Variants in CDH4 observed in about 807,000 individuals in gnomAD.
CDH4 encodes cadherin 4.
Under a neutral mutation model 86.0 loss-of-function variants are expected in CDH4, and 33 were observed. That is an observed-to-expected ratio of 0.38 (90% confidence interval 0.29 to 0.51). The LOEUF (loss-of-function observed/expected upper bound fraction) is 0.51, where lower values mean the gene tolerates loss of function less well. Among genes scored for constraint, CDH4 ranks in the 20% least tolerant of loss-of-function variants. The pLI is 0.86. For missense variants in CDH4, 1,114 were observed against 1,307.4 expected (o/e 0.85, Z 2.28); for synonymous variants, 555 against 549.4 (o/e 1.01, Z -0.14).
chr20:61,930,384 G>C (rs2055092039), intron 13 of CDH4, among the ~76,000 whole-genome samples: 1 of 152,056 alleles, frequency 6.6e-6, no homozygotes, highest in South Asian at 2.1e-4. Flanking sequence ...CAACAGGTCT[G>C]AGGGCTGGCG....
chr20:61,660,446 C>T (rs1249133363), intron 2 of CDH4, among the ~76,000 whole-genome samples: 2 of 152,208 alleles, frequency 1.3e-5, no homozygotes, highest in Admixed American at 6.5e-5. Context: ...AGGCAGGTGA[C>T]GCCGGGACTC....
intron 2 of CDH4, among the ~76,000 whole-genome samples, chr20:61,447,661 A>C (rs1442092665): frequency 1.6e-5 from 2 of 128,560 alleles, no homozygotes; most frequent in African/African-American, 3.0e-5. Flanking sequence ...GAGATGGTGC[A>C]TGGAAAATTT....
chr20:61,932,395 C>G (rs1032806952), intron 13 of CDH4, among the ~76,000 whole-genome samples: 1 of 152,246 alleles, frequency 6.6e-6, no homozygotes, highest in South Asian at 2.1e-4. Context: ...GCCTTGGAAA[C>G]TCATGCACAC....
At chr20:61,812,859 C>T (rs1980508899) in intron 4 of CDH4, among the ~76,000 whole-genome samples, 1 of 152,212 alleles carries the variant, frequency 6.6e-6, no homozygotes, top group Non-Finnish European at 1.5e-5. Flanking sequence ...AAGCTTCTTC[C>T]TGCAGGCCAC....
At chr20:61,583,372 G>A (rs1053684453) in intron 2 of CDH4, among the ~76,000 whole-genome samples, 32 of 152,216 alleles carry the variant, frequency 2.1e-4, no homozygotes, top group Middle Eastern at 3.4e-3. Context: ...TGGCCCCATG[G>A]TCATGTCTGG....
At chr20:61,297,221 A>G (rs933700232) in intron 2 of CDH4, among the ~76,000 whole-genome samples, 1 of 152,132 alleles carries the variant, frequency 6.6e-6, no homozygotes, top group Non-Finnish European at 1.5e-5. Flanking sequence ...CCCCGTCTCT[A>G]CTAAAAATAC....
At chr20:61,465,598 T>G (rs2085467619) in intron 2 of CDH4, among the ~76,000 whole-genome samples, 1 of 152,216 alleles carries the variant, frequency 6.6e-6, no homozygotes, top group African/African-American at 2.4e-5. Flanking sequence ...CCGAAGGGAA[T>G]TGCATCTTGG....
intron 2 of CDH4, among the ~76,000 whole-genome samples, chr20:61,629,501 A>G (rs909540877): frequency 6.6e-6 from 1 of 152,208 alleles, no homozygotes; most frequent in Non-Finnish European, 1.5e-5. Flanking sequence ...TCTGTCCTCC[A>G]CACTTGTCGC....
intron 2 of CDH4, chr20:61,370,402 CA>C (rs1241902873): frequency 1.3e-5 from 2 of 152,272 alleles, no homozygotes; most frequent in African/African-American, 4.8e-5. Context: ...CCTGGGCATG[CA>C]GGGGGCTTTG....
At chr20:61,908,011 A>G (rs1359758791) in intron 8 of CDH4, among the ~76,000 whole-genome samples, 1 of 152,168 alleles carries the variant, frequency 6.6e-6, no homozygotes, top group Non-Finnish European at 1.5e-5. Flanking sequence ...CCTAAACGTG[A>G]CAGGCAGGGC....
chr20:61,421,662 A>C lies in CDH4; in HGVS notation c.169+166725A>C, dbSNP rs540625989. Among the ~76,000 whole-genome samples, 4 of 152,064 alleles carry C rather than the reference A, an allele frequency of 2.6e-5. No homozygotes were observed. The East Asian group carries it at 7.8e-4, about 29-fold the overall frequency. ...AGATGTTATACTTCAAAAAAAAAGG[A>C]GGAACTGTGCTTCCTTGACATTTAT... On this transcript the variant is annotated intron_variant, in intron 2 of 15. Coordinates refer to ENST00000614565, the MANE Select transcript of CDH4 (RefSeq NM_001794.5).
chr20:61,743,879 C>T, intron 3 of CDH4, 90 bp downstream of exon 3: 1 of 950,032 alleles, frequency 1.1e-6, no homozygotes, highest in Non-Finnish European at 1.6e-6. Flanking sequence ...AGGGCTCCCA[C>T]AGGACAGACA....
At position 61,252,468 on chromosome 20, in the gene CDH4, A is replaced by T; in HGVS notation, c.-46A>T. 2 of 988,398 alleles carry T rather than the reference A, an allele frequency of 2.0e-6. No homozygotes were observed. Among genetic ancestry groups the T allele is most frequent in the African/African-American group, 1.9e-5 (1 of 53,400 alleles). 61.2% of individuals were successfully genotyped at this position (988,398 alleles called of 1,614,324 possible). On this transcript the variant is annotated 5_prime_UTR_variant, in exon 1 of 16. Coordinates refer to ENST00000614565, the MANE Select transcript of CDH4 (RefSeq NM_001794.5). The surrounding 1 kb of genome is among the most constrained non-coding windows in gnomAD (Gnocchi z 4.4). ...CGGCGGCGGCGGCGGCGGCGGCGGCAGGGAGCGGGCTCCCGGTGCCGGGCA... is the reference window on the plus strand; with the variant it reads ...CGGCGGCGGCGGCGGCGGCGGCGGCTGGGAGCGGGCTCCCGGTGCCGGGCA...
chr20:61,858,177 G>GTGTC (rs145658938), intron 6 of CDH4, among the ~76,000 whole-genome samples: 64,271 of 147,718 alleles, frequency 0.44, 14,085 homozygotes, highest in East Asian at 0.63. Flanking sequence ...GTGTGTCTGT[G>GTGTC]TGTGTCTCTG....
chr20:61,894,046 C>A (rs1233465133), intron 7 of CDH4, among the ~76,000 whole-genome samples: 2 of 152,168 alleles, frequency 1.3e-5, no homozygotes, highest in Non-Finnish European at 2.9e-5. Context: ...GAGCATTTCA[C>A]AGGTTCCCTT....
intron 2 of CDH4, among the ~76,000 whole-genome samples, chr20:61,460,777 G>A (rs1239023233): frequency 6.6e-6 from 1 of 152,226 alleles, no homozygotes; most frequent in African/African-American, 2.4e-5. Context: ...GCTTCAGGGT[G>A]GCAGCAGGCC....
At chr20:61,343,151 T>G (rs1409519263) in intron 2 of CDH4, among the ~76,000 whole-genome samples, 1 of 152,240 alleles carries the variant, frequency 6.6e-6, no homozygotes, top group African/African-American at 2.4e-5. Context: ...TCATTCGTGC[T>G]GTGGCTGGTG....
At chr20:61,621,037 G>A (rs146802846) in intron 2 of CDH4, among the ~76,000 whole-genome samples, 55 of 152,244 alleles carry the variant, frequency 3.6e-4, no homozygotes, top group African/African-American at 5.3e-4. Context: ...CCAAATAAGC[G>A]TTGGCATCTG....
chr20:61,731,479 G>A (rs1001168291), intron 2 of CDH4, among the ~76,000 whole-genome samples: 2 of 152,170 alleles, frequency 1.3e-5, no homozygotes, highest in Non-Finnish European at 2.9e-5. Context: ...ACTGGGCAGG[G>A]CCCATAGGGT....
Sources: gnomAD v4.1 joint callset for allele counts (sites outside exome capture counted in the v4.1 genomes callset) on GRCh38, gnomAD v4.1.1 for gene constraint, Gnocchi (gnomAD v3.1) non-coding constraint, MANE v1.5 for transcripts, NCBI Gene and HGNC (gene_info 2026-07-23, HGNC 2026-07-21) for gene names.